Variants in ROBO2 observed in about 807,000 individuals in gnomAD.
ROBO2 encodes roundabout guidance receptor 2, also known as roundabout homolog 2.
ROBO2 carries 53 observed loss-of-function variants against 160.8 expected under a neutral mutation model. The observed-to-expected ratio is 0.33, with a 90% CI of 0.26 to 0.41. ROBO2 has a LOEUF of 0.41. Ranked by LOEUF, ROBO2 falls within the 10% of genes least tolerant of loss-of-function variation. The probability of loss-of-function intolerance (pLI) is 1.00; values close to 1 mark genes in which losing one functional copy is unlikely to be tolerated. For synonymous variants in ROBO2, 664 were observed against 611.7 expected (o/e 1.09, Z -1.26); for missense variants, 1,577 against 1,722.4 (o/e 0.92, Z 1.49).
intron 2 of ROBO2, among the ~76,000 whole-genome samples, chr3:76,038,668 A>T (rs891916719): frequency 3.3e-5 from 5 of 151,804 alleles, no homozygotes; most frequent in African/African-American, 1.2e-4. Flanking sequence ...TTTCCTAGCT[A>T]TTGATCCCAA....
chr3:76,709,375 C>A (rs1382551922), intron 2 of ROBO2, among the ~76,000 whole-genome samples: 1 of 152,194 alleles, frequency 6.6e-6, no homozygotes, highest in Non-Finnish European at 1.5e-5. Context: ...ACAGATATCA[C>A]AGCCACTTTC....
chr3:76,060,945 A>G (rs968743985), intron 2 of ROBO2, among the ~76,000 whole-genome samples: 3 of 152,158 alleles, frequency 2.0e-5, no homozygotes, highest in Non-Finnish European at 4.4e-5. Context: ...CAGTGTTTCA[A>G]TATTAGAAAT....
Position 77,103,849 on chromosome 3 carries a change from G to A in ROBO2, c.388+5509G>A, listed in dbSNP as rs1250107624. ...AGTAGACTGACTTTAGTATGAGAGG[G>A]CACAGGTGGCACTGAAAATGAAGAC... is the stretch of plus-strand genomic sequence containing the variant. On this transcript the variant is annotated intron_variant, in intron 2 of 25. Coordinates refer to ENST00000461745, the Ensembl canonical transcript of ROBO2. 5.3e-5 allele frequency among the ~76,000 whole-genome samples: 8 copies of A among 152,122 alleles called. No individual in the cohort carries two copies. The East Asian group carries it at 1.4e-3, about 26-fold the overall frequency.
intron 2 of ROBO2, among the ~76,000 whole-genome samples, chr3:76,395,620 TA>T (rs1354951851): frequency 1.3e-5 from 2 of 151,276 alleles, no homozygotes; most frequent in South Asian, 2.1e-4. Context: ...ATAGACGCAA[TA>T]AAAAATGACA....
At chr3:77,406,900 C>T (rs1266755825) in intron 2 of ROBO2, among the ~76,000 whole-genome samples, 2 of 152,156 alleles carry the variant, frequency 1.3e-5, no homozygotes, top group Non-Finnish European at 2.9e-5. Context: ...TTAAATTTAA[C>T]ACATTGGACC....
chr3:76,677,936 T>TG (rs2092452426), intron 2 of ROBO2, among the ~76,000 whole-genome samples: 1 of 134,738 alleles, frequency 7.4e-6, no homozygotes, highest in African/African-American at 2.7e-5. Context: ...ATCTATTTTC[T>TG]CTCACAGAGA....
chr3:76,906,943 G>A (rs2075645249), intron 2 of ROBO2, among the ~76,000 whole-genome samples: 1 of 152,108 alleles, frequency 6.6e-6, no homozygotes, highest in Non-Finnish European at 1.5e-5. Context: ...TATGAAAAAT[G>A]TTATTCAGTT....
intron 2 of ROBO2, among the ~76,000 whole-genome samples, chr3:76,088,419 G>A (rs975319544): frequency 9.2e-5 from 14 of 152,048 alleles, no homozygotes; most frequent in African/African-American, 3.4e-4. Flanking sequence ...GTATTACACA[G>A]CCTTTCAAGC....
chr3:75,946,917 G>T (rs1948321838), intron 2 of ROBO2, among the ~76,000 whole-genome samples: 1 of 152,008 alleles, frequency 6.6e-6, no homozygotes, highest in Admixed American at 6.6e-5. Flanking sequence ...CTTGTGGAAG[G>T]GTACAGTAGT....
intron 2 of ROBO2, among the ~76,000 whole-genome samples, chr3:76,060,358 G>A (rs1255078885): frequency 6.6e-6 from 1 of 152,214 alleles, no homozygotes; most frequent in African/African-American, 2.4e-5. Context: ...TGGTGAAGGA[G>A]TGAATAAGTA....
intron 2 of ROBO2, among the ~76,000 whole-genome samples, chr3:76,104,245 A>C (rs1288582909): frequency 2.0e-5 from 3 of 152,236 alleles, no homozygotes; most frequent in African/African-American, 7.2e-5. Flanking sequence ...AGCAAATCTA[A>C]ATAACTTAGT....
At chr3:77,251,749 C>T (rs1041475039) in intron 2 of ROBO2, among the ~76,000 whole-genome samples, 20 of 152,236 alleles carry the variant, frequency 1.3e-4, no homozygotes, top group Non-Finnish European at 2.6e-4. Flanking sequence ...CTCACGAGAT[C>T]TGATGGTTTT....
intron 2 of ROBO2, among the ~76,000 whole-genome samples, chr3:76,912,694 A>G (rs542048464): frequency 1.4e-4 from 22 of 152,314 alleles, no homozygotes; most frequent in African/African-American, 5.3e-4. Context: ...ACAATTTCAT[A>G]ATTGTTTCAT....
At chr3:76,850,229 T>A (rs2069202191) in intron 2 of ROBO2, among the ~76,000 whole-genome samples, 1 of 149,864 alleles carries the variant, frequency 6.7e-6, no homozygotes, top group African/African-American at 2.4e-5. Context: ...ATTTTATGAC[T>A]AAAAAAAAAA....
intron 2 of ROBO2, among the ~76,000 whole-genome samples, chr3:76,497,233 TC>T (rs2080199530): frequency 6.6e-6 from 1 of 152,146 alleles, no homozygotes; most frequent in African/African-American, 2.4e-5. Flanking sequence ...AAAGTCTCTC[TC>T]TCCCTCGCTG....
intron 2 of ROBO2, among the ~76,000 whole-genome samples, chr3:76,427,853 C>T (rs1270291114): frequency 6.6e-6 from 1 of 152,082 alleles, no homozygotes; most frequent in Non-Finnish European, 1.5e-5. Flanking sequence ...AGTATCTTAG[C>T]ACAAATATCT....
Position 76,939,454 on chromosome 3 carries a change from T to G in ROBO2, c.110-158560T>G, listed in dbSNP as rs567218384. Among the ~76,000 whole-genome samples, 68 of 152,250 alleles carry G rather than the reference T, an allele frequency of 4.5e-4. No individual in the cohort carries two copies. In the Middle Eastern group the frequency reaches 0.01, roughly 23 times the overall value. ...CCTTCTTGTGAAATTTTCTTTTTCC[T>G]TCCAAAATTTAAAGGCTTGTGAACA... On this transcript the variant is annotated intron_variant, in intron 2 of 26. Coordinates refer to the ROBO2 transcript ENST00000487694.
At chr3:77,477,718 A>T in intron 3 of ROBO2, 147 bp downstream of exon 3, 5 of 886,094 alleles carry the variant, frequency 5.6e-6, no homozygotes, top group Non-Finnish European at 8.7e-6. Context: ...ATTTAAAAAC[A>T]TTTGGATGAG....
chr3:77,183,453 C>T (rs1038820524), intron 2 of ROBO2, among the ~76,000 whole-genome samples: 4 of 151,984 alleles, frequency 2.6e-5, no homozygotes, highest in Non-Finnish European at 5.9e-5. Context: ...GGGCCCTAGA[C>T]TAATGCAACG....
Sources: allele counts gnomAD v4.1 joint callset (sites outside exome capture counted in the v4.1 genomes callset), GRCh38; gene constraint gnomAD v4.1.1; transcripts MANE v1.5; gene names NCBI Gene and HGNC (gene_info 2026-07-23, HGNC 2026-07-21).